Variants in GLIS3 observed in about 807,000 individuals in gnomAD.
The protein encoded by GLIS3 is GLIS family zinc finger 3.
In GLIS3, 53 loss-of-function variants were observed where a neutral mutation model predicts 78.6. The observed-to-expected ratio is 0.67, with a 90% confidence interval of 0.54 to 0.85. The LOEUF (loss-of-function observed/expected upper bound fraction) is 0.85, where lower values mean the gene tolerates loss of function less well. Among genes scored for constraint, GLIS3 ranks in the 40% least tolerant of loss-of-function variants. The pLI is 0.00. For missense variants in GLIS3, 1,703 were observed against 1,231.1 expected, an observed-to-expected ratio of 1.38 and a Z score of -5.74; for synonymous variants, 684 against 509.9, an observed-to-expected ratio of 1.34 and a Z score of -4.60.
chr9:4,309,268 C>A (rs937748474), intron 3 of GLIS3, among the ~76,000 whole-genome samples: 1 of 151,952 alleles, frequency 6.6e-6, no homozygotes, highest in African/African-American at 2.4e-5. Flanking sequence ...GTTAAGTGAA[C>A]AAAGAAAAAG....
chr9:4,469,072 A>T, the GLIS3 span, among the ~76,000 whole-genome samples: 1 of 152,238 alleles, frequency 6.6e-6, no homozygotes. Flanking sequence ...GATCAATTCA[A>T]CAAGAAGAGC....
the GLIS3 span, among the ~76,000 whole-genome samples, chr9:4,486,009 G>T: frequency 6.6e-6 from 1 of 152,108 alleles, no homozygotes; most frequent in African/African-American, 2.4e-5. Flanking sequence ...GGCGTGAGCC[G>T]CCGCACCTGG....
intron 4 of GLIS3, chr9:4,305,561 G>C (rs1233587088): frequency 2.6e-5 from 4 of 152,246 alleles, no homozygotes; most frequent in Non-Finnish European, 5.9e-5. Context: ...AAAGTGAATG[G>C]CTCATAAATC....
intron 8 of GLIS3, among the ~76,000 whole-genome samples, chr9:3,857,154 T>A (rs1819849830): frequency 2.0e-5 from 3 of 152,202 alleles, no homozygotes; most frequent in Admixed American, 1.3e-4. Context: ...GAGCAGGAAG[T>A]CTGTCAATGC....
the GLIS3 span, among the ~76,000 whole-genome samples, chr9:4,476,261 C>G: frequency 6.6e-6 from 1 of 152,116 alleles, no homozygotes; most frequent in Non-Finnish European, 1.5e-5. Context: ...TTTACAGTAT[C>G]TTTTAAATAT....
rs58284615 is a variant in GLIS3 at position 4,068,122 on chromosome 9, G to A, written c.1710+49646C>T. On this transcript the variant is annotated intron_variant, in intron 4 of 10. Transcript: ENST00000381971. ...AAGTGTTACTATAAAAGGGCTGGTAGTAAGCATGAATTTAAATGTTCTAAT... is the reference window on the plus strand; with the variant it reads ...AAGTGTTACTATAAAAGGGCTGGTAATAAGCATGAATTTAAATGTTCTAAT... Among the ~76,000 whole-genome samples the A allele has an allele frequency of 7.1e-3, 1,087 of 152,246 alleles. 10 individuals are homozygous for A. The highest frequency in any genetic ancestry group is 0.022 in the African/African-American group (904 of 41,564).
intron 4 of GLIS3, among the ~76,000 whole-genome samples, chr9:3,964,493 C>G: frequency 6.6e-6 from 1 of 152,282 alleles, no homozygotes. Context: ...GGAATTCAAT[C>G]ACACACTCTG....
chr9:4,408,129 A>C, the GLIS3 span, among the ~76,000 whole-genome samples: 10 of 152,180 alleles, frequency 6.6e-5, no homozygotes, highest in Non-Finnish European at 1.5e-4. Context: ...TGCTAGCAAG[A>C]ATGTGGAGAA....
intron 9 of GLIS3, among the ~76,000 whole-genome samples, chr9:3,842,661 T>C (rs1818796295): frequency 1.3e-5 from 2 of 152,334 alleles, no homozygotes; most frequent in Admixed American, 6.5e-5. Flanking sequence ...CACCTTGGCA[T>C]GTGTGTTGAA....
At chr9:4,353,806 G>A in the GLIS3 span, among the ~76,000 whole-genome samples, 1 of 152,228 alleles carries the variant, frequency 6.6e-6, no homozygotes, top group Non-Finnish European at 1.5e-5. Flanking sequence ...TTCGGTGCCT[G>A]TAGCTGTTGA....
chr9:4,418,847 G>C, the GLIS3 span, among the ~76,000 whole-genome samples: 1 of 152,188 alleles, frequency 6.6e-6, no homozygotes, highest in Non-Finnish European at 1.5e-5. Context: ...GAAAAGTATT[G>C]TATGTAGGAG....
At chr9:4,090,387 G>C (rs1829396086) in intron 4 of GLIS3, among the ~76,000 whole-genome samples, 1 of 151,724 alleles carries the variant, frequency 6.6e-6, no homozygotes, top group South Asian at 2.1e-4. Context: ...AACAAAATAA[G>C]ACTTGGTTAC....
chr9:4,402,675 T>A, the GLIS3 span, among the ~76,000 whole-genome samples: 2 of 152,176 alleles, frequency 1.3e-5, no homozygotes, highest in African/African-American at 4.8e-5. Context: ...GAAAATGCAA[T>A]TGACATGCTG....
At chr9:3,829,606 C>G in intron 9 of GLIS3, 114 bp from the exon 10 acceptor site, 4 of 948,246 alleles carry the variant, frequency 4.2e-6, no homozygotes, top group Non-Finnish European at 5.1e-6. Context: ...ATGCCTTTAA[C>G]TCTTAAGGCC....
intron 4 of GLIS3, among the ~76,000 whole-genome samples, chr9:4,056,070 C>A (rs777067277): frequency 6.6e-6 from 1 of 152,212 alleles, no homozygotes; most frequent in Admixed American, 6.5e-5. Flanking sequence ...TCAGCTATGT[C>A]TGTCCCTATT....
the GLIS3 span, among the ~76,000 whole-genome samples, chr9:4,482,856 A>G: frequency 1.3e-5 from 2 of 152,228 alleles, no homozygotes; most frequent in Non-Finnish European, 2.9e-5. Context: ...GCAACAGCAT[A>G]CTAGCAAAAT....
chr9:4,335,100 A>C (rs200451756), intron 2 of GLIS3, among the ~76,000 whole-genome samples: 2 of 151,790 alleles, frequency 1.3e-5, no homozygotes, highest in Non-Finnish European at 2.9e-5. Flanking sequence ...AGTGGAGACG[A>C]GGTTTCACCA....
intron 4 of GLIS3, among the ~76,000 whole-genome samples, chr9:3,955,853 G>A (rs899327318): frequency 6.6e-6 from 1 of 151,902 alleles, no homozygotes; most frequent in South Asian, 2.1e-4. Context: ...ACCATAAAGA[G>A]GAAAAATCTG....
At chr9:4,369,390 T>C in the GLIS3 span, among the ~76,000 whole-genome samples, 2 of 152,240 alleles carry the variant, frequency 1.3e-5, no homozygotes, top group Non-Finnish European at 2.9e-5. Context: ...ATAATACCAA[T>C]TCTAGTGCTG....
Sources: allele counts gnomAD v4.1 joint callset (sites outside exome capture counted in the v4.1 genomes callset), GRCh38; gene constraint gnomAD v4.1.1; transcripts MANE v1.5; gene names NCBI Gene and HGNC (gene_info 2026-07-23, HGNC 2026-07-21).